The following SDR16C5 variants were observed in gnomAD, a reference collection of about 807,000 sequenced individuals.
The protein encoded by SDR16C5 is short chain dehydrogenase/reductase family 16C member 5, also known as epidermal retinol dehydrogenase 2.
Under a neutral mutation model 27.7 loss-of-function variants are expected in SDR16C5, and 20 were observed. The observed-to-expected ratio is 0.72, with a 90% confidence interval of 0.51 to 1.05. The LOEUF (loss-of-function observed/expected upper bound fraction) is 1.05, where lower values mean the gene tolerates loss of function less well. SDR16C5 is among the 50% of genes least tolerant of loss of function. The pLI, the probability that SDR16C5 is intolerant of heterozygous loss-of-function variation, is 0.00. For missense variants in SDR16C5, 374 were observed against 366.3 expected (o/e 1.02, Z -0.17); for synonymous variants, 139 against 132.3 (o/e 1.05, Z -0.35).
At chr8:56,303,221 G>A (rs1814802430) in intron 6 of SDR16C5, among the ~76,000 whole-genome samples, 1 of 151,378 alleles carries the variant, frequency 6.6e-6, no homozygotes, top group Non-Finnish European at 1.5e-5. Flanking sequence ...GGCTGAGACA[G>A]GAGAATCACT....
At position 56,316,137 on chromosome 8, in the gene SDR16C5, C is replaced by T. The variant is rs775597579; in HGVS notation, c.211G>A (p.Asp71Asn). Residue 71 changes from aspartate (D) to asparagine (N), a missense_variant, in exon 2 of 7, where the codon GAT becomes AAT. Transcript: ENST00000303749. Reference protein sequence around the residue: ...ARLGSVLVLWDINKEGNEETC... With the variant: ...ARLGSVLVLWNINKEGNEETC... Reference sequence around the variant, plus strand: ...TCCTCATTCCCCTCCTTATTGATATCCCAGAGAACAAGAACAGATCCCAGC... The same window carrying T: ...TCCTCATTCCCCTCCTTATTGATATTCCAGAGAACAAGAACAGATCCCAGC... The T allele has an allele frequency of 7.4e-6, 12 of 1,614,064 alleles. No homozygotes were observed. The highest frequency in any genetic ancestry group is 1.3e-5 in the African/African-American group (1 of 75,026).
intron 2 of SDR16C5, among the ~76,000 whole-genome samples, 185 bp from the exon 3 acceptor site, chr8:56,312,473 G>C (rs1385160861): frequency 1.3e-5 from 2 of 152,156 alleles, no homozygotes; most frequent in Non-Finnish European, 2.9e-5. Flanking sequence ...GGCAGGCCGA[G>C]GCAGGGGGGT....
At chr8:56,306,118 A>C (rs931328580) in intron 5 of SDR16C5, among the ~76,000 whole-genome samples, 5 of 152,162 alleles carry the variant, frequency 3.3e-5, no homozygotes, top group African/African-American at 1.2e-4. Flanking sequence ...GTTGAAGCCT[A>C]AACTCCCAAT....
intron 6 of SDR16C5, chr8:56,304,094 T>C (rs1814825311): frequency 7.1e-6 from 5 of 702,384 alleles, no homozygotes; most frequent in Non-Finnish European, 1.3e-5. Context: ...CCTGGAAAAA[T>C]GATAGTATGC....
At position 56,316,468 on chromosome 8, in the gene SDR16C5, G is replaced by C. The variant is rs1815201007; in HGVS notation, c.-14-107C>G. The C allele has an allele frequency of 5.7e-6, 4 of 705,538 alleles. No individual in the cohort carries two copies. The Admixed American group carries it at 1.0e-4, about 18-fold the overall frequency. The allele number at this position is 705,538 out of a possible 1,614,324, so 43.7% of individuals were successfully genotyped here. A position where few individuals can be genotyped will look rare whatever the true frequency, so the allele number is the denominator to read the frequency against. ...GAAACAGTGAAAGTAACTGAGATAT[G>C]TGATTTAAACAGCTCTCCTGGTAGC... On this transcript the variant is annotated intron_variant, in intron 1 of 6. Transcript: ENST00000303749.
intron 3 of SDR16C5, chr8:56,309,531 T>C (rs1814971735): frequency 1.0e-6 from 1 of 984,996 alleles, no homozygotes; most frequent in African/African-American, 1.7e-5. Flanking sequence ...GAATATCTAT[T>C]AGAAAGAGGA....
intron 6 of SDR16C5, among the ~76,000 whole-genome samples, chr8:56,302,621 C>A (rs551919851): frequency 4.0e-5 from 6 of 148,384 alleles, no homozygotes; most frequent in Admixed American, 1.4e-4. Flanking sequence ...TGCAGTGAGG[C>A]ATGATTGCAC....
chr8:56,309,619 T>C lies in SDR16C5; in HGVS notation c.466-592A>G, dbSNP rs1383151831. ...GAAGGTAAAAGAGACAGAAATGAGC[T>C]TTTAAGGAAGACATCTTCTGCATCA... On this transcript the variant is annotated intron_variant, in intron 3 of 6. Coordinates refer to ENST00000303749, the MANE Select transcript of SDR16C5 (RefSeq NM_138969.4). 4.1e-6 allele frequency: 4 copies of C among 981,236 alleles called. No homozygotes were observed. The East Asian group carries it at 3.4e-4, about 84-fold the overall frequency. The allele number at this position is 981,236 out of a possible 1,614,324, so 60.8% of individuals were successfully genotyped here. A position where few individuals can be genotyped will look rare whatever the true frequency, so the allele number is the denominator to read the frequency against.
At chr8:56,310,730 AG>A (rs1395694811) in intron 3 of SDR16C5, among the ~76,000 whole-genome samples, 387 of 30,778 alleles carry the variant, frequency 0.013, 7 homozygotes, top group African/African-American at 0.033. Context: ...AAAAAAAAAA[AG>A]AAAAAGAACA....
Position 56,306,663 on chromosome 8 carries a change from AGG to A in SDR16C5, c.710+11_710+12del. The A allele has an allele frequency of 6.4e-7, 1 of 1,563,750 alleles. No homozygotes were observed. The highest frequency in any genetic ancestry group is 1.2e-5 in the South Asian group (1 of 82,762). On this transcript the variant is annotated intron_variant, in intron 5 of 6. Coordinates refer to ENST00000303749, the MANE Select transcript of SDR16C5 (RefSeq NM_138969.4). ...AAGAGTGTAGATTCTTTGAAATTAA[AGG>A]ACATACTTACCCTGTAGTACAACCT...
At chr8:56,309,589 A>T (rs769809439) in intron 3 of SDR16C5, 4 of 984,602 alleles carry the variant, frequency 4.1e-6, no homozygotes, top group Non-Finnish European at 4.8e-6. Flanking sequence ...GGGGGCCTGG[A>T]GAAAGAAGGT....
chr8:56,302,903 G>T (rs1487834240), intron 6 of SDR16C5, among the ~76,000 whole-genome samples: 1 of 152,104 alleles, frequency 6.6e-6, no homozygotes, highest in Non-Finnish European at 1.5e-5. Flanking sequence ...GATGGCTTGA[G>T]CCTGGGAGTT....
chr8:56,316,794 T>C (rs1815211293), intron 1 of SDR16C5, among the ~76,000 whole-genome samples: 1 of 152,386 alleles, frequency 6.6e-6, no homozygotes, highest in Non-Finnish European at 1.5e-5. Flanking sequence ...TCTGGCTTTA[T>C]GTTTCTCTCC....
Position 56,301,168 on chromosome 8 carries a change from C to T in SDR16C5, c.*312G>A, listed in dbSNP as rs1037456597. 6.9e-5 allele frequency: 16 copies of T among 232,272 alleles called. No individual in the cohort carries two copies. The highest frequency in any genetic ancestry group is 1.4e-4 in the South Asian group (2 of 14,276). 14.4% of individuals were successfully genotyped at this position (232,272 alleles called of 1,614,324 possible). A position where few individuals can be genotyped will look rare whatever the true frequency, so the allele number is the denominator to read the frequency against. On this transcript the variant is annotated 3_prime_UTR_variant, in exon 7 of 7. Transcript: ENST00000303749. ...GGCTCCATTTGAGCCACCTCCCCAA[C>T]GACCAAAGCTCAGGGCAGCTCATGG... is the stretch of plus-strand genomic sequence containing the variant.
rs1164089743 is a variant in SDR16C5, at chr8:56,305,656, T to C, written c.777A>G (p.Leu259=). The C allele has an allele frequency of 6.2e-7, 1 of 1,603,534 alleles. No homozygotes were observed. The highest frequency in any genetic ancestry group is 8.5e-7 in the Non-Finnish European group (1 of 1,176,998). Residue 259 remains leucine, a synonymous_variant, in exon 6 of 7, where the codon CTA becomes CTG. Coordinates refer to ENST00000303749, the MANE Select transcript of SDR16C5 (RefSeq NM_138969.4). ...GCATATACAAGTACATTTTTTCTTG[T>C]AGAATAGCTTCTACTATTTTTTCAA... ...YAVEKIVEAI[L]QEKMYLYMPK... is the part of the protein sequence containing the mutation.
chr8:56,308,780 G>A (rs541731525), intron 4 of SDR16C5, 148 bp downstream of exon 4: 18 of 546,442 alleles, frequency 3.3e-5, no homozygotes, highest in African/African-American at 9.6e-5. Context: ...TTTGCTACAC[G>A]ATGAAGTTAT....
intron 5 of SDR16C5, 124 bp downstream of exon 5, chr8:56,306,552 A>G: frequency 1.1e-6 from 1 of 920,144 alleles, no homozygotes; most frequent in Non-Finnish European, 1.6e-6. Flanking sequence ...GAATTCTAAA[A>G]CCATTTATAA....
At chr8:56,303,326 A>G (rs1409010921) in intron 6 of SDR16C5, among the ~76,000 whole-genome samples, 3 of 151,922 alleles carry the variant, frequency 2.0e-5, no homozygotes, top group Admixed American at 6.6e-5. Context: ...AAAAAAAAAA[A>G]AAAGAAAAAA....
At chr8:56,304,549 T>G (rs1282126144) in intron 6 of SDR16C5, among the ~76,000 whole-genome samples, 1 of 152,120 alleles carries the variant, frequency 6.6e-6, no homozygotes, top group East Asian at 1.9e-4. Context: ...CACTTTTTTT[T>G]TTTTTGAGAC....
Sources: allele counts gnomAD v4.1 joint callset (sites outside exome capture counted in the v4.1 genomes callset), GRCh38; gene constraint gnomAD v4.1.1; transcripts MANE v1.5; gene names NCBI Gene and HGNC (gene_info 2026-07-23, HGNC 2026-07-21).